Variants in CTNND2 observed in about 807,000 individuals in gnomAD.
CTNND2 encodes catenin delta-2.
A neutral mutation model predicts 144.4 loss-of-function variants in CTNND2; 22 were observed. The ratio of observed to expected loss-of-function variants is 0.15; its 90% CI spans 0.11 to 0.22. CTNND2 has a LOEUF of 0.22. Ranked by LOEUF, CTNND2 falls within the 10% of genes least tolerant of loss-of-function variation. The pLI is 1.00. For missense variants in CTNND2, 1,353 were observed against 1,618.8 expected, an observed-to-expected ratio of 0.84 and a Z score of 2.82; for synonymous variants, 751 against 695.6, an observed-to-expected ratio of 1.08 and a Z score of -1.25.
At chr5:11,042,211 G>A (rs552050196) in intron 16 of CTNND2, among the ~76,000 whole-genome samples, 6 of 152,224 alleles carry the variant, frequency 3.9e-5, no homozygotes, top group African/African-American at 1.2e-4. Context: ...CACCACAGAA[G>A]CTGTAATTTC....
At chr5:11,130,866 G>C (rs1404014379) in intron 12 of CTNND2, among the ~76,000 whole-genome samples, 1 of 152,046 alleles carries the variant, frequency 6.6e-6, no homozygotes, top group East Asian at 1.9e-4. Flanking sequence ...TTCATGGTAG[G>C]CTCAGAAAAT....
At chr5:11,451,614 T>C (rs910970959) in intron 3 of CTNND2, among the ~76,000 whole-genome samples, 5 of 152,210 alleles carry the variant, frequency 3.3e-5, no homozygotes, top group Non-Finnish European at 7.3e-5. Context: ...GAAACACTTC[T>C]GGTACCAAGC....
At position 11,899,267 on chromosome 5, in the gene CTNND2, C is replaced by T. The variant is rs931579561; in HGVS notation, c.37+4550G>A. On this transcript the variant is annotated intron_variant, in intron 1 of 21. Transcript: ENST00000304623. Reference sequence around the variant, plus strand: ...ATATCTGACCTCACAGAGAGTGATGCTTATTAAACTGTCTATGATAGTCTT... The same window carrying T: ...ATATCTGACCTCACAGAGAGTGATGTTTATTAAACTGTCTATGATAGTCTT... Among the ~76,000 whole-genome samples the T allele has an allele frequency of 3.6e-4, 54 of 152,098 alleles. 1 individual carries two copies. The highest frequency in any genetic ancestry group is 5.7e-4 in the Non-Finnish European group (39 of 68,020).
At chr5:11,007,147 T>C (rs1452790723) in intron 18 of CTNND2, among the ~76,000 whole-genome samples, 1 of 152,118 alleles carries the variant, frequency 6.6e-6, no homozygotes, top group Non-Finnish European at 1.5e-5. Flanking sequence ...ACTCAGTAAA[T>C]ATGCATTGAA....
chr5:11,728,418 T>C (rs917578034), intron 2 of CTNND2, among the ~76,000 whole-genome samples: 4 of 152,018 alleles, frequency 2.6e-5, no homozygotes, highest in Admixed American at 1.3e-4. Flanking sequence ...GAAGAGGTTA[T>C]GGTGAGCCAA....
intron 2 of CTNND2, among the ~76,000 whole-genome samples, chr5:11,703,695 A>G (rs1785559521): frequency 6.6e-6 from 1 of 152,238 alleles, no homozygotes. Flanking sequence ...TGTATTTAGT[A>G]AACAAACAGA....
At chr5:11,900,402 A>C (rs191238390) in intron 1 of CTNND2, among the ~76,000 whole-genome samples, 8 of 152,316 alleles carry the variant, frequency 5.3e-5, no homozygotes, top group Admixed American at 5.2e-4. Flanking sequence ...CAGTATGATA[A>C]AATATTTCTG....
chr5:11,369,668 G>A (rs1245368461), intron 7 of CTNND2, among the ~76,000 whole-genome samples: 1 of 152,208 alleles, frequency 6.6e-6, no homozygotes, highest in African/African-American at 2.4e-5. Context: ...AAGGTCCCTG[G>A]CTTTGAAAAT....
At chr5:11,328,101 C>G (rs138425479) in intron 9 of CTNND2, among the ~76,000 whole-genome samples, 24 of 152,206 alleles carry the variant, frequency 1.6e-4, no homozygotes, top group African/African-American at 5.8e-4. Context: ...TTCACTTTAT[C>G]AAAGCGCTAG....
chr5:11,302,982 A>G (rs746799900), intron 9 of CTNND2, among the ~76,000 whole-genome samples: 1 of 152,160 alleles, frequency 6.6e-6, no homozygotes, highest in Non-Finnish European at 1.5e-5. Context: ...AGGCATAGCC[A>G]GACTTTGAGC....
chr5:11,161,278 A>G (rs924650497), intron 11 of CTNND2, among the ~76,000 whole-genome samples: 1 of 152,240 alleles, frequency 6.6e-6, no homozygotes, highest in Admixed American at 6.5e-5. Flanking sequence ...GTCCCCTTAC[A>G]GAAAAATTTT....
intron 3 of CTNND2, among the ~76,000 whole-genome samples, chr5:11,424,124 T>C (rs1386160296): frequency 1.3e-5 from 2 of 152,218 alleles, no homozygotes; most frequent in Admixed American, 6.5e-5. Context: ...TAGAGTTCTA[T>C]TCATAATTGT....
chr5:11,850,677 T>C (rs1794969983), intron 1 of CTNND2, among the ~76,000 whole-genome samples: 1 of 152,188 alleles, frequency 6.6e-6, no homozygotes, highest in Non-Finnish European at 1.5e-5. Context: ...AGAGTGCCAA[T>C]CCAAAATCAC....
At chr5:11,001,783 A>G (rs1321390069) in intron 18 of CTNND2, among the ~76,000 whole-genome samples, 2 of 152,204 alleles carry the variant, frequency 1.3e-5, no homozygotes, top group Admixed American at 6.5e-5. Flanking sequence ...AATCACAAGA[A>G]AAGTGGCCTT....
At chr5:11,422,030 C>T (rs1015024850) in intron 3 of CTNND2, among the ~76,000 whole-genome samples, 1 of 152,098 alleles carries the variant, frequency 6.6e-6, no homozygotes, top group Non-Finnish European at 1.5e-5. Context: ...CTCCAGCCGC[C>T]CAACAAAAGT....
At chr5:11,073,966 A>G (rs1309791611) in intron 16 of CTNND2, among the ~76,000 whole-genome samples, 1 of 152,244 alleles carries the variant, frequency 6.6e-6, no homozygotes, top group Non-Finnish European at 1.5e-5. Context: ...ATATTTTGAA[A>G]AGCAGAGAAG....
intron 9 of CTNND2, among the ~76,000 whole-genome samples, chr5:11,240,538 CACACACACCCA>C (rs1330459728): frequency 0.025 from 2,265 of 91,242 alleles, 116 homozygotes; most frequent in African/African-American, 0.053. Flanking sequence ...ACACACCCAA[CACACACACCCA>C]ACACACACAC....
chr5:11,069,374 T>C (rs1257825757), intron 16 of CTNND2, among the ~76,000 whole-genome samples: 1 of 152,046 alleles, frequency 6.6e-6, no homozygotes, highest in Non-Finnish European at 1.5e-5. Flanking sequence ...TCTTGGAATA[T>C]GGGTTAGGAG....
chr5:11,549,700 C>T (rs1775594588), intron 3 of CTNND2, among the ~76,000 whole-genome samples: 1 of 152,090 alleles, frequency 6.6e-6, no homozygotes, highest in Admixed American at 6.5e-5. Context: ...AATATAGACC[C>T]CAAAATTGTA....
Sources: allele counts gnomAD v4.1 joint callset (sites outside exome capture counted in the v4.1 genomes callset), GRCh38; gene constraint gnomAD v4.1.1; transcripts MANE v1.5; gene names NCBI Gene and HGNC (gene_info 2026-07-23, HGNC 2026-07-21).